TTLL5: variants seen among roughly 807,000 people sequenced by gnomAD.
The protein encoded by TTLL5 is tubulin polyglutamylase TTLL5.
In TTLL5, 132 loss-of-function variants were observed where a neutral mutation model predicts 168.4. That is an observed-to-expected ratio of 0.78 (90% CI 0.68 to 0.91). The LOEUF is 0.91. Ranked by LOEUF, TTLL5 falls within the 40% of genes least tolerant of loss-of-function variation. The pLI, the probability that TTLL5 is intolerant of heterozygous loss-of-function variation, is 0.00. For synonymous variants in TTLL5, 546 were observed against 558.6 expected (o/e 0.98, Z 0.32); for missense variants, 1,545 against 1,581.5 (o/e 0.98, Z 0.39).
Position 75,863,776 on chromosome 14 carries a change from T to G in TTLL5, c.3436T>G (p.Tyr1146Asp), listed in dbSNP as rs374889118. Residue 1146 changes from tyrosine (Y) to aspartate (D), a missense_variant, in exon 29 of 32, where the codon TAT becomes GAT. Transcript: ENST00000298832. Reference protein sequence around the residue: ...QHKYHPTAGSYQLQFALQQLE... With the variant: ...QHKYHPTAGSDQLQFALQQLE... ...CAAGTATCACCCCACAGCAGGCAGCTATCAGCTTCAATTTGCCCTGCAGCA... is the reference window on the plus strand; with the variant it reads ...CAAGTATCACCCCACAGCAGGCAGCGATCAGCTTCAATTTGCCCTGCAGCA... 2.5e-6 allele frequency: 4 copies of G among 1,613,774 alleles called. No homozygotes were observed. The highest frequency in any genetic ancestry group is 3.4e-6 in the Non-Finnish European group (4 of 1,179,966).
At chr14:75,919,497 A>G (rs368077312) in intron 31 of TTLL5, among the ~76,000 whole-genome samples, 10 of 152,326 alleles carry the variant, frequency 6.6e-5, no homozygotes, top group African/African-American at 2.4e-4. Context: ...AGTCTCTTCA[A>G]CAACTATTCA....
chr14:75,841,865 G>A (rs1484149323), intron 28 of TTLL5, among the ~76,000 whole-genome samples: 1 of 151,996 alleles, frequency 6.6e-6, no homozygotes, highest in African/African-American at 2.4e-5. Context: ...TAAAAGGTTG[G>A]TTTGTATATT....
chr14:75,767,725 C>T (rs1891050504), intron 20 of TTLL5, among the ~76,000 whole-genome samples: 1 of 152,088 alleles, frequency 6.6e-6, no homozygotes, highest in African/African-American at 2.4e-5. Flanking sequence ...ACGGTGAGAT[C>T]TTGTTTTAGA....
intron 18 of TTLL5, chr14:75,757,915 G>A (rs1890383905): frequency 2.6e-6 from 4 of 1,559,654 alleles, no homozygotes; most frequent in Non-Finnish European, 3.5e-6. Flanking sequence ...TGTGCATAAT[G>A]TGTGACCATG....
chr14:75,877,332 A>G (rs2031548479), intron 29 of TTLL5, among the ~76,000 whole-genome samples: 1 of 152,320 alleles, frequency 6.6e-6, no homozygotes, highest in Non-Finnish European at 1.5e-5. Flanking sequence ...TTATCTTTCT[A>G]GTAAGAGAGC....
chr14:75,717,552 G>A (rs1012753706), intron 9 of TTLL5, among the ~76,000 whole-genome samples: 1 of 152,166 alleles, frequency 6.6e-6, no homozygotes, highest in Non-Finnish European at 1.5e-5. Flanking sequence ...GCAATGTCTT[G>A]TTGTGATTAA....
rs371755991 is a variant in TTLL5, at chr14:75,892,816, C to A, written c.3741-9326C>A. Among the ~76,000 whole-genome samples the A allele has an allele frequency of 3.2e-3, 485 of 152,248 alleles. 11 individuals are homozygous for A. The South Asian group carries it at 0.054, about 17-fold the overall frequency. On this transcript the variant is annotated intron_variant, in intron 30 of 31. Coordinates refer to ENST00000298832, the MANE Select transcript of TTLL5 (RefSeq NM_015072.5). ...CAATGACATACCCTTCCAACTGTTC[C>A]TGTCTCAAAACTGCCTTTGGTTTCT... is the stretch of plus-strand genomic sequence containing the variant.
At chr14:75,887,250 T>A (rs1207559412) in intron 30 of TTLL5, 1 of 986,598 alleles carries the variant, frequency 1.0e-6, no homozygotes, top group Admixed American at 6.1e-5. Context: ...TGATGAAAGA[T>A]GTTTAAGAGA....
chr14:75,707,695 A>G lies in TTLL5; in HGVS notation c.728A>G (p.Glu243Gly). 6.2e-7 allele frequency: 1 copy of G among 1,613,012 alleles called. No individual in the cohort carries two copies. Among genetic ancestry groups the G allele is most frequent in the South Asian group, 1.1e-5 (1 of 90,974 alleles). The change falls in exon 9 of 32, where the codon GAA (glutamate) becomes GGA (glycine). Residue 243 changes from glutamate (E) to glycine (G), a missense_variant. Coordinates refer to ENST00000298832, the MANE Select transcript of TTLL5 (RefSeq NM_015072.5). ...CCTCTTGTCATCTATCTCTATGAAG[A>G]AGGATTGGCTAGGTAAGAAGCTGTT... is the stretch of plus-strand genomic sequence containing the variant. ...YDPLVIYLYE[E>G]GLARFATVRY...
At chr14:75,863,915 A>G in intron 29 of TTLL5, 53 bp downstream of exon 29, 1 of 1,188,346 alleles carries the variant, frequency 8.4e-7, no homozygotes, top group South Asian at 1.7e-5. Context: ...TGTTGGTAAA[A>G]AAAAAAAAAA....
At chr14:75,867,133 G>C (rs1489040503) in intron 29 of TTLL5, among the ~76,000 whole-genome samples, 1 of 152,174 alleles carries the variant, frequency 6.6e-6, no homozygotes, top group Admixed American at 6.5e-5. Context: ...CAACTACTCA[G>C]CTCTGCCATG....
intron 30 of TTLL5, among the ~76,000 whole-genome samples, chr14:75,901,394 T>G (rs1433419621): frequency 1.3e-5 from 2 of 151,970 alleles, no homozygotes; most frequent in Admixed American, 1.3e-4. Context: ...ATCAGACTAG[T>G]CCTAGGATTT....
chr14:75,727,973 G>C (rs1888290128), intron 12 of TTLL5: 1 of 371,114 alleles, frequency 2.7e-6, no homozygotes, highest in Admixed American at 3.3e-5. Flanking sequence ...CAATTATCAA[G>C]ACTTGTCAAG....
At chr14:75,686,942 G>A (rs1204690843) in intron 5 of TTLL5, among the ~76,000 whole-genome samples, 3 of 152,118 alleles carry the variant, frequency 2.0e-5, no homozygotes, top group Non-Finnish European at 4.4e-5. Context: ...ATAGTGAATA[G>A]CACAGACTCT....
intron 21 of TTLL5, among the ~76,000 whole-genome samples, chr14:75,773,907 CAT>C (rs34160638): frequency 0.013 from 388 of 28,742 alleles, 14 homozygotes; most frequent in African/African-American, 0.026. Flanking sequence ...AAAAAAAATA[CAT>C]ATATATATAT....
chr14:75,693,948 T>G (rs1330281465), intron 6 of TTLL5, among the ~76,000 whole-genome samples: 2 of 152,244 alleles, frequency 1.3e-5, no homozygotes, highest in African/African-American at 2.4e-5. Context: ...ATTTTAAAGA[T>G]AAGACTAGGT....
intron 28 of TTLL5, among the ~76,000 whole-genome samples, chr14:75,829,828 G>A (rs774372694): frequency 6.6e-6 from 1 of 152,226 alleles, no homozygotes; most frequent in Non-Finnish European, 1.5e-5. Context: ...CTCAGACAGT[G>A]TGTCAGAAAT....
chr14:75,811,839 A>G (rs1467529831), intron 27 of TTLL5, among the ~76,000 whole-genome samples: 1 of 152,172 alleles, frequency 6.6e-6, no homozygotes, highest in Non-Finnish European at 1.5e-5. Flanking sequence ...TCAACAGGGA[A>G]GCTCCATCAT....
At chr14:75,910,431 C>G (rs771944364) in intron 31 of TTLL5, among the ~76,000 whole-genome samples, 23 of 152,174 alleles carry the variant, frequency 1.5e-4, no homozygotes, top group Admixed American at 3.9e-4. Context: ...GGGCAAGTAA[C>G]CAGCATAAGG....
Sources: gnomAD v4.1 joint callset for allele counts (sites outside exome capture counted in the v4.1 genomes callset) on GRCh38, gnomAD v4.1.1 for gene constraint, MANE v1.5 for transcripts, NCBI Gene and HGNC (gene_info 2026-07-23, HGNC 2026-07-21) for gene names.